The following SPAST variants were observed in gnomAD, a reference collection of about 807,000 sequenced individuals.
SPAST encodes the protein spastic paraplegia 4 (autosomal dominant; spastin).
Under a neutral mutation model 76.6 loss-of-function variants are expected in SPAST, and 30 were observed. The ratio of observed to expected loss-of-function variants is 0.39; its 90% CI spans 0.29 to 0.53. The LOEUF (loss-of-function observed/expected upper bound fraction) is 0.53, where lower values mean the gene tolerates loss of function less well. SPAST is among the 20% of genes least tolerant of loss of function. SPAST has a pLI of 0.68. For synonymous variants in SPAST, 305 were observed against 281.0 expected (o/e 1.09, Z -0.86); for missense variants, 717 against 770.5 (o/e 0.93, Z 0.82).
intron 1 of SPAST, among the ~76,000 whole-genome samples, chr2:32,082,567 G>C (rs1221712340): frequency 6.6e-6 from 1 of 151,900 alleles, no homozygotes; most frequent in Admixed American, 6.6e-5. Context: ...GTGGTGGCAC[G>C]TGCCTTTCAT....
chr2:32,090,616 T>G (rs1490599054), intron 3 of SPAST, among the ~76,000 whole-genome samples: 1 of 152,184 alleles, frequency 6.6e-6, no homozygotes, highest in Non-Finnish European at 1.5e-5. Flanking sequence ...TTTTAATAAT[T>G]TGTTTGTATC....
At chr2:32,150,370 C>T (rs972107558) in intron 16 of SPAST, among the ~76,000 whole-genome samples, 7 of 149,714 alleles carry the variant, frequency 4.7e-5, no homozygotes, top group African/African-American at 1.7e-4. Flanking sequence ...GGATTACAGG[C>T]ATGAGCCACC....
At chr2:32,136,496 C>A in intron 9 of SPAST, 67 bp from the exon 10 acceptor site, 2 of 1,182,556 alleles carry the variant, frequency 1.7e-6, no homozygotes, top group Non-Finnish European at 2.5e-6. Context: ...AGATTTTCAA[C>A]ATAAAATTTA....
In SPAST at chr2:32,157,324, T is replaced by C. The variant is rs1410642594; in HGVS notation, c.*2828T>C. ...CTGTCCATTGAGAATATTAGATTTCTGACTTGCAAATATGTTTGTACTCCA... is the reference window on the plus strand; with the variant it reads ...CTGTCCATTGAGAATATTAGATTTCCGACTTGCAAATATGTTTGTACTCCA... On this transcript the variant is annotated 3_prime_UTR_variant, in exon 17 of 17. Transcript: ENST00000315285. 2.0e-5 allele frequency: 3 copies of C among 152,652 alleles called. No homozygotes were observed. The highest frequency in any genetic ancestry group is 1.5e-5 in the Non-Finnish European group (1 of 68,024). 9.5% of individuals were successfully genotyped at this position (152,652 alleles called of 1,614,324 possible). A position where few individuals can be genotyped will look rare whatever the true frequency, so the allele number is the denominator to read the frequency against.
In SPAST at chr2:32,064,221, C is replaced by G; in HGVS notation, c.390C>G (p.Ala130=). 1 of 1,552,206 alleles carries G rather than the reference C, an allele frequency of 6.4e-7. No individual in the cohort carries two copies. Residue 130 remains alanine (A), a synonymous_variant, in exon 1 of 17, where the codon GCC becomes GCG. Transcript: ENST00000315285. ...AGGCCTTCGAGTACATCTCCATTGC[C>G]CTGCGCATCGATGAGGATGAGAAAG... ...HKQAFEYISI[A]LRIDEDEKAG...
intron 15 of SPAST, among the ~76,000 whole-genome samples, chr2:32,146,263 A>G (rs566032670): frequency 6.6e-6 from 1 of 152,322 alleles, no homozygotes; most frequent in African/African-American, 2.4e-5. Flanking sequence ...CGCATCCATT[A>G]AAGTACAGAA....
chr2:32,085,205 CT>C (rs11399879), intron 1 of SPAST, among the ~76,000 whole-genome samples: 1,230 of 119,734 alleles, frequency 0.01, 5 homozygotes, highest in Middle Eastern at 0.019. Context: ...TCTTCTTCTT[CT>C]TTTTTTTTTT....
At chr2:32,149,028 A>G (rs1558344478) in intron 16 of SPAST, among the ~76,000 whole-genome samples, 3 of 151,972 alleles carry the variant, frequency 2.0e-5, no homozygotes. Flanking sequence ...AAAATAACCT[A>G]TAACTATACG....
At chr2:32,129,651 G>C (rs181893271) in intron 9 of SPAST, 43 of 152,114 alleles carry the variant, frequency 2.8e-4, no homozygotes, top group African/African-American at 9.2e-4. Flanking sequence ...CCTTTCTCTT[G>C]GTTGCCCCCT....
chr2:32,079,902 C>T (rs1443076598), intron 1 of SPAST, among the ~76,000 whole-genome samples: 2 of 152,062 alleles, frequency 1.3e-5, no homozygotes, highest in Admixed American at 6.6e-5. Flanking sequence ...GAACATTGGT[C>T]TAAATATCTG....
intron 1 of SPAST, among the ~76,000 whole-genome samples, chr2:32,075,894 C>CTTTTTTTTT (rs1286144548): frequency 1.1e-5 from 1 of 87,162 alleles, no homozygotes; most frequent in Non-Finnish European, 2.1e-5. Context: ...ATTCAAAATG[C>CTTTTTTTTT]TCTTTTTTTT....
intron 1 of SPAST, among the ~76,000 whole-genome samples, chr2:32,075,740 G>T (rs1449601193): frequency 6.6e-6 from 1 of 150,650 alleles, no homozygotes; most frequent in African/African-American, 2.4e-5. Context: ...TTTTAGTAGA[G>T]ACAGGGTTTC....
intron 12 of SPAST, among the ~76,000 whole-genome samples, chr2:32,140,085 A>G (rs192796942): frequency 6.6e-6 from 1 of 152,102 alleles, no homozygotes; most frequent in African/African-American, 2.4e-5. Flanking sequence ...ATTATGTGTT[A>G]TGTTGCGTCC....
chr2:32,115,912 AATAG>A, intron 6 of SPAST, 77 bp downstream of exon 6: 3 of 1,172,160 alleles, frequency 2.6e-6, no homozygotes, highest in Non-Finnish European at 2.5e-6. Context: ...TCAGGAGTGA[AATAG>A]ATAATAAATA....
In SPAST at chr2:32,087,674, T is replaced by TCTTTC. The variant is rs1175649651; in HGVS notation, c.502+97_502+101dup. On this transcript the variant is annotated intron_variant, in intron 2 of 16. Transcript: ENST00000315285. ...ATTTATTTATTTATTTATTTTTCTT[T>TCTTTC]CTTTCTTTTCTTTTCTTTTCTTTTT... The TCTTTC allele has an allele frequency of 7.0e-5, 31 of 441,152 alleles. 1 individual carries two copies. In the East Asian group the frequency reaches 1.4e-3, roughly 20 times the overall value. The allele number at this position is 441,152 out of a possible 1,614,324, so 27.3% of individuals were successfully genotyped here. A position where few individuals can be genotyped will look rare whatever the true frequency, so the allele number is the denominator to read the frequency against.
At chr2:32,134,590 C>T (rs951036448) in intron 9 of SPAST, among the ~76,000 whole-genome samples, 5 of 152,084 alleles carry the variant, frequency 3.3e-5, no homozygotes, top group African/African-American at 1.2e-4. Flanking sequence ...AGGCATGAGT[C>T]ACTGTGCCTG....
intron 4 of SPAST, 90 bp downstream of exon 4, chr2:32,098,981 A>G (rs1368987111): frequency 5.7e-6 from 5 of 875,674 alleles, no homozygotes; most frequent in African/African-American, 1.7e-5. Context: ...TGATTTTATA[A>G]TGGTAGGTTT....
At chr2:32,089,709 A>G in intron 3 of SPAST, 104 bp downstream of exon 3, 1 of 726,302 alleles carries the variant, frequency 1.4e-6, no homozygotes, top group Non-Finnish European at 2.5e-6. Context: ...AATGTGGTCC[A>G]GGCTTTTTAA....
intron 1 of SPAST, among the ~76,000 whole-genome samples, chr2:32,075,544 T>TTC (rs1468989974): frequency 4.9e-5 from 5 of 102,188 alleles, no homozygotes; most frequent in African/African-American, 1.9e-4. Flanking sequence ...TCATGGCTTT[T>TTC]TTCTTTTTTT....
Sources: gnomAD v4.1 joint callset for allele counts (sites outside exome capture counted in the v4.1 genomes callset) on GRCh38, gnomAD v4.1.1 for gene constraint, MANE v1.5 for transcripts, NCBI Gene and HGNC (gene_info 2026-07-23, HGNC 2026-07-21) for gene names.